The following NCAPD2 variants were observed in gnomAD, a reference collection of about 807,000 sequenced individuals.
NCAPD2 encodes the protein non-SMC condensin I complex subunit D2.
NCAPD2 carries 100 observed loss-of-function variants against 164.5 expected under a neutral mutation model. The ratio of observed to expected loss-of-function variants is 0.61; its 90% CI spans 0.52 to 0.72. The LOEUF (loss-of-function observed/expected upper bound fraction) is 0.72. NCAPD2 is among the 30% of genes least tolerant of loss of function. NCAPD2 has a pLI of 0.00. For missense variants in NCAPD2, 1,560 were observed against 1,749.2 expected (o/e 0.89, Z 1.93); for synonymous variants, 585 against 642.6 (o/e 0.91, Z 1.36).
chr12:6,511,242 G>A lies in NCAPD2; in HGVS notation c.577G>A (p.Glu193Lys), dbSNP rs146876646. 9.9e-6 allele frequency: 16 copies of A among 1,614,066 alleles called. No individual in the cohort carries two copies. The African/African-American group carries it at 2.0e-4, about 20-fold the overall frequency. ...HLWNHSIIEE[E>K]FVSLVTGCCY... Reference sequence around the variant, plus strand: ...GTGGAACCACTCAATAATTGAAGAAGAATTTGTCAGGTGGGTAGGGAGGAT... The same window carrying A: ...GTGGAACCACTCAATAATTGAAGAAAAATTTGTCAGGTGGGTAGGGAGGAT... Residue 193 changes from glutamate to lysine, a missense_variant, in exon 6 of 32, where the codon GAA becomes AAA. By Grantham distance (56) the Glu-to-Lys change is moderately conservative. Transcript: ENST00000315579.
chr12:6,525,763 G>A, intron 18 of NCAPD2, 47 bp downstream of exon 18: 1 of 1,595,610 alleles, frequency 6.3e-7, no homozygotes, highest in East Asian at 2.2e-5. Context: ...GCAAAGGAAG[G>A]TTCTGAGAGG....
At position 6,530,790 on chromosome 12, in the gene NCAPD2, G is replaced by A. The variant is rs1387754035; in HGVS notation, c.3937G>A (p.Ala1313Thr). 2.5e-6 allele frequency: 4 copies of A among 1,614,092 alleles called. No homozygotes were observed. Among genetic ancestry groups the A allele is most frequent in the Non-Finnish European group, 3.4e-6 (4 of 1,180,050 alleles). The change falls in exon 30 of 32, where the codon GCG (alanine) becomes ACG (threonine). Residue 1313 changes from alanine (A) to threonine (T), a missense_variant. Physicochemically the swap from Ala to Thr is moderately conservative, Grantham distance 58. Coordinates refer to ENST00000315579, the MANE Select transcript of NCAPD2 (RefSeq NM_014865.4). ...GATTGGCCAAGCAGGTAGCCAGAGA[G>A]CGCCATCAGCCAAGAAACCATCCAC... ...LEIGQAGSQR[A>T]PSAKKPSTGS... is the part of the protein sequence containing the mutation.
At position 6,517,754 on chromosome 12, in the gene NCAPD2, G is replaced by C. The variant is rs755993307; in HGVS notation, c.1409-25G>C. ...CTTGCAGTCAGAAACTCTAGTGAAA[G>C]AGACTAAGTGACACTCTCATTTAGC... On this transcript the variant is annotated intron_variant, in intron 12 of 31. Transcript: ENST00000315579. The C allele has an allele frequency of 3.8e-5, 62 of 1,614,066 alleles. 1 individual carries two copies. In the South Asian group the frequency reaches 6.7e-4, roughly 17 times the overall value.
chr12:6,512,096 C>T (rs763302684), intron 6 of NCAPD2, among the ~76,000 whole-genome samples: 37 of 151,626 alleles, frequency 2.4e-4, no homozygotes, highest in Non-Finnish European at 3.5e-4. Context: ...GGTGAAACCC[C>T]GTCTCTACTA....
At chr12:6,517,334 G>A in intron 10 of NCAPD2, 31 bp from the exon 11 acceptor site, 2 of 1,607,970 alleles carry the variant, frequency 1.2e-6, no homozygotes. Context: ...TGTGGGACTT[G>A]AGCAGATTCT....
At chr12:6,524,047 C>T (rs948783531) in intron 17 of NCAPD2, among the ~76,000 whole-genome samples, 7 of 152,162 alleles carry the variant, frequency 4.6e-5, no homozygotes, top group African/African-American at 1.2e-4. Context: ...AGAGAAGTTA[C>T]TGAACTTGGC....
chr12:6,497,950 T>A (rs986522686), intron 2 of NCAPD2, among the ~76,000 whole-genome samples: 1 of 151,406 alleles, frequency 6.6e-6, no homozygotes, highest in African/African-American at 2.4e-5. Context: ...TTTTGTTTTT[T>A]GGAGACAAGG....
intron 4 of NCAPD2, 189 bp downstream of exon 4, chr12:6,510,322 G>A (rs770574764): frequency 8.8e-6 from 7 of 798,260 alleles, no homozygotes; most frequent in African/African-American, 8.4e-5. Context: ...GCGATACAGA[G>A]TTATGTGTGT....
chr12:6,512,463 TGAG>T (rs1208406749), intron 6 of NCAPD2, among the ~76,000 whole-genome samples: 47 of 151,882 alleles, frequency 3.1e-4, no homozygotes, highest in Non-Finnish European at 4.4e-5. Flanking sequence ...GCAAAGACCT[TGAG>T]GAGGGAGCAT....
chr12:6,530,043 C>G (rs975929773), intron 29 of NCAPD2, 85 bp downstream of exon 29: 2 of 1,441,454 alleles, frequency 1.4e-6, no homozygotes, highest in Non-Finnish European at 1.9e-6. Context: ...ACGGCTCTTG[C>G]AGTCACCTTC....
At chr12:6,495,780 T>C (rs1945975323) in intron 2 of NCAPD2, among the ~76,000 whole-genome samples, 1 of 152,226 alleles carries the variant, frequency 6.6e-6, no homozygotes, top group Admixed American at 6.5e-5. Context: ...AGCGGTCTTG[T>C]AGCAGTTAGC....
At chr12:6,507,287 A>G (rs1463617225) in intron 2 of NCAPD2, among the ~76,000 whole-genome samples, 1 of 152,262 alleles carries the variant, frequency 6.6e-6, no homozygotes, top group Non-Finnish European at 1.5e-5. Flanking sequence ...GATACAAGAC[A>G]GTCAGGGAAC....
intron 2 of NCAPD2, among the ~76,000 whole-genome samples, chr12:6,504,529 A>G (rs1001656397): frequency 3.3e-5 from 5 of 151,806 alleles, no homozygotes; most frequent in Admixed American, 2.0e-4. Context: ...AGTAGCTGAG[A>G]CTACAGGCAT....
rs1946130550 is a variant in NCAPD2, at chr12:6,509,923, TG to T, written c.203+132del. ...CTCTGGATATTGATATCTCTACTGA[TG>T]AGCATGTACCCAGCTTGCCACCGTA... On this transcript the variant is annotated intron_variant, in intron 3 of 31. Transcript: ENST00000315579. 6 of 1,211,922 alleles carry T rather than the reference TG, an allele frequency of 5.0e-6. No homozygotes were observed. In the South Asian group the frequency reaches 6.5e-5, roughly 13 times the overall value. The allele number at this position is 1,211,922 out of a possible 1,614,324, so 75.1% of individuals were successfully genotyped here. A position where few individuals can be genotyped will look rare whatever the true frequency, so the allele number is the denominator to read the frequency against.
At chr12:6,523,148 T>G in intron 16 of NCAPD2, 114 bp from the exon 17 acceptor site, 1 of 1,447,818 alleles carries the variant, frequency 6.9e-7, no homozygotes, top group African/African-American at 1.4e-5. Context: ...AGGGTGGGGC[T>G]CGGTTTCCAG....
intron 9 of NCAPD2, among the ~76,000 whole-genome samples, chr12:6,515,407 A>G (rs1315101782): frequency 1.3e-5 from 2 of 151,208 alleles, no homozygotes; most frequent in African/African-American, 4.9e-5. Context: ...CTAGTCTCAA[A>G]CTCCTGGTCT....
chr12:6,523,464 C>A, intron 17 of NCAPD2, 118 bp downstream of exon 17: 1 of 791,336 alleles, frequency 1.3e-6, no homozygotes. Flanking sequence ...ATGGCACAAT[C>A]TTGGCTCACT....
At chr12:6,520,207 T>C (rs1000920332) in intron 13 of NCAPD2, among the ~76,000 whole-genome samples, 25 of 150,678 alleles carry the variant, frequency 1.7e-4, no homozygotes, top group Non-Finnish European at 2.1e-4. Flanking sequence ...TATATATATA[T>C]ACACATATAT....
chr12:6,495,997 C>G (rs1427242118), intron 2 of NCAPD2, among the ~76,000 whole-genome samples: 5 of 151,940 alleles, frequency 3.3e-5, no homozygotes, highest in Admixed American at 6.6e-5. Flanking sequence ...CAATATGGTC[C>G]TAGCTTGTCT....
Sources: allele counts gnomAD v4.1 joint callset (sites outside exome capture counted in the v4.1 genomes callset), GRCh38; gene constraint gnomAD v4.1.1; transcripts MANE v1.5; gene names NCBI Gene and HGNC (gene_info 2026-07-23, HGNC 2026-07-21).